PRELID2: variants seen among roughly 807,000 people sequenced by gnomAD.
PRELID2 encodes the protein PRELI domain containing 2, also known as PRELI domain-containing protein 2.
A neutral mutation model predicts 28.4 loss-of-function variants in PRELID2; 25 were observed. The observed-to-expected ratio is 0.88, with a 90% CI of 0.64 to 1.23. The LOEUF (loss-of-function observed/expected upper bound fraction) is 1.23, where lower values mean the gene tolerates loss of function less well. Among genes scored for constraint, PRELID2 ranks in the 50% most tolerant of loss-of-function variants. PRELID2 has a pLI of 0.00. For synonymous variants in PRELID2, 76 were observed against 71.6 expected, an observed-to-expected ratio of 1.06 and a Z score of -0.31; for missense variants, 201 against 214.4, an observed-to-expected ratio of 0.94 and a Z score of 0.39.
At chr5:145,699,197 G>A (rs923758461) in intron 1 of PRELID2, among the ~76,000 whole-genome samples, 1 of 152,132 alleles carries the variant, frequency 6.6e-6, no homozygotes, top group Non-Finnish European at 1.5e-5. Context: ...AATGCTTCCT[G>A]GGGTAAGAGA....
chr5:145,261,439 T>C, the PRELID2 span, among the ~76,000 whole-genome samples: 2 of 152,098 alleles, frequency 1.3e-5, no homozygotes, highest in Non-Finnish European at 2.9e-5. Flanking sequence ...ATTCCCCCAC[T>C]ACCTCCACTG....
intron 1 of PRELID2, among the ~76,000 whole-genome samples, chr5:145,638,101 G>A (rs190030193): frequency 9.2e-5 from 14 of 152,192 alleles, no homozygotes; most frequent in South Asian, 6.2e-4. Flanking sequence ...CTGAGCCACC[G>A]CTCCCAGCCA....
intron 1 of PRELID2, among the ~76,000 whole-genome samples, chr5:145,597,937 C>G (rs1423219447): frequency 1.3e-5 from 2 of 152,070 alleles, no homozygotes; most frequent in African/African-American, 2.4e-5. Flanking sequence ...AGAATATACA[C>G]ATAAAAACTA....
chr5:145,464,173 G>A, the PRELID2 span, among the ~76,000 whole-genome samples: 1 of 152,090 alleles, frequency 6.6e-6, no homozygotes, highest in Non-Finnish European at 1.5e-5. Flanking sequence ...GAATTAAAGA[G>A]GTTCTTTAAT....
chr5:145,478,493 G>A (rs964243147), intron 1 of PRELID2, among the ~76,000 whole-genome samples: 1 of 152,072 alleles, frequency 6.6e-6, no homozygotes, highest in African/African-American at 2.4e-5. Context: ...AGAGGTTGCA[G>A]TGAGCCAAGA....
the PRELID2 span, among the ~76,000 whole-genome samples, chr5:145,278,317 T>G: frequency 6.6e-6 from 1 of 152,170 alleles, no homozygotes; most frequent in African/African-American, 2.4e-5. Flanking sequence ...TTTCTGTATA[T>G]CAGTAGTCCA....
intron 1 of PRELID2, among the ~76,000 whole-genome samples, chr5:145,518,568 A>G (rs1752538851): frequency 6.6e-6 from 1 of 152,194 alleles, no homozygotes; most frequent in Admixed American, 6.5e-5. Context: ...TTGCCAGTTA[A>G]ATACAAAGAT....
intron 1 of PRELID2, among the ~76,000 whole-genome samples, chr5:145,631,413 G>A (rs549681238): frequency 2.0e-5 from 3 of 152,322 alleles, no homozygotes; most frequent in Admixed American, 2.0e-4. Context: ...GACCCTGGAA[G>A]AGTCCTCCAA....
intron 1 of PRELID2, among the ~76,000 whole-genome samples, chr5:145,568,821 C>T (rs1464521013): frequency 6.6e-6 from 1 of 152,222 alleles, no homozygotes; most frequent in Non-Finnish European, 1.5e-5. Flanking sequence ...AAAGAGAAGG[C>T]ATCAGGTTAC....
the PRELID2 span, among the ~76,000 whole-genome samples, chr5:145,273,829 C>T: frequency 2.4e-4 from 37 of 152,234 alleles, no homozygotes; most frequent in African/African-American, 6.5e-4. Flanking sequence ...GGCAGGGAAA[C>T]AAGCCCTATG....
the PRELID2 span, among the ~76,000 whole-genome samples, chr5:145,290,330 G>A: frequency 6.0e-4 from 92 of 152,214 alleles, no homozygotes; most frequent in East Asian, 0.015. Context: ...ATTCACAGCA[G>A]CAAAGACTTG....
the PRELID2 span, among the ~76,000 whole-genome samples, chr5:145,284,083 C>G: frequency 3.1e-3 from 465 of 152,192 alleles, 1 homozygote; most frequent in African/African-American, 0.011. Context: ...TTACTCTTTC[C>G]AAGCGTATTG....
chr5:145,596,756 C>T (rs1753312864), intron 1 of PRELID2, among the ~76,000 whole-genome samples: 4 of 152,128 alleles, frequency 2.6e-5, no homozygotes, highest in Admixed American at 2.0e-4. Context: ...TAAGAGAAGT[C>T]AGTCTTCAAA....
chr5:145,608,900 T>G (rs951913646), intron 1 of PRELID2, among the ~76,000 whole-genome samples: 5 of 152,228 alleles, frequency 3.3e-5, no homozygotes, highest in Non-Finnish European at 5.9e-5. Context: ...TTTGGTCTAT[T>G]TACATAATCT....
chr5:145,295,189 T>G, the PRELID2 span, among the ~76,000 whole-genome samples: 1 of 152,154 alleles, frequency 6.6e-6, no homozygotes, highest in Non-Finnish European at 1.5e-5. Flanking sequence ...GGATTAACAT[T>G]GAGTTAAAAT....
At chr5:145,473,859 G>A (rs954209933) in intron 1 of PRELID2, among the ~76,000 whole-genome samples, 4 of 152,044 alleles carry the variant, frequency 2.6e-5, no homozygotes, top group Admixed American at 1.3e-4. Context: ...TTCAAAGATC[G>A]AATATAAAAA....
the PRELID2 span, among the ~76,000 whole-genome samples, chr5:145,283,933 G>A: frequency 1.4e-4 from 22 of 152,088 alleles, no homozygotes; most frequent in Admixed American, 6.6e-5. Flanking sequence ...GTGGGGGGAA[G>A]GTGGTGTTTT....
chr5:145,366,139 A>G, the PRELID2 span, among the ~76,000 whole-genome samples: 1 of 151,944 alleles, frequency 6.6e-6, no homozygotes, highest in African/African-American at 2.4e-5. Context: ...GATTTTAATG[A>G]AAGCCATAGA....
intron 1 of PRELID2, among the ~76,000 whole-genome samples, chr5:145,546,558 A>G (rs762366975): frequency 6.6e-6 from 1 of 152,160 alleles, no homozygotes; most frequent in Non-Finnish European, 1.5e-5. Flanking sequence ...CAAGTAGAAC[A>G]TTCATTGTAT....
Sources: allele counts gnomAD v4.1 joint callset (sites outside exome capture counted in the v4.1 genomes callset), GRCh38; gene constraint gnomAD v4.1.1; transcripts MANE v1.5; gene names NCBI Gene and HGNC (gene_info 2026-07-23, HGNC 2026-07-21).